Variants in CRHR2 observed in about 807,000 individuals in gnomAD.
CRHR2 encodes the protein corticotropin-releasing hormone receptor 2.
In CRHR2, 53 loss-of-function variants were observed where a neutral mutation model predicts 57.9. The observed-to-expected ratio is 0.92, with a 90% CI of 0.73 to 1.15. The LOEUF is 1.15. Among genes scored for constraint, CRHR2 ranks in the 50% most tolerant of loss-of-function variants. The pLI is 0.00. For synonymous variants in CRHR2, 213 were observed against 220.9 expected, an observed-to-expected ratio of 0.96 and a Z score of 0.32; for missense variants, 532 against 542.6, an observed-to-expected ratio of 0.98 and a Z score of 0.19.
chr7:30,665,225 G>T lies in CRHR2; in HGVS notation c.426-38C>A. On this transcript the variant is annotated intron_variant, in intron 4 of 11. Coordinates refer to ENST00000471646, the MANE Select transcript of CRHR2 (RefSeq NM_001883.5). The surrounding 1 kb of genome is among the most constrained non-coding windows in gnomAD (Gnocchi z 4.5). The stretch of plus-strand genomic sequence containing the variant: ...CAGGTCAGGGGTCAGCCAGGTTCAG[G>T]GGTCAACTGGGACTGGGTTCCCCCT... 1 of 1,559,160 alleles carries T rather than the reference G, an allele frequency of 6.4e-7. No individual in the cohort carries two copies. Among genetic ancestry groups the T allele is most frequent in the Non-Finnish European group, 8.8e-7 (1 of 1,130,278 alleles).
At chr7:30,654,644 C>T (rs3779250) in intron 11 of CRHR2, 911,983 of 1,516,390 alleles carry the variant, frequency 0.6, 286,827 homozygotes, top group Non-Finnish European at 0.65. Context: ...TTTTCTGTGG[C>T]AGGTAGCGGG....
At chr7:30,654,159 C>T (rs4722999) in intron 11 of CRHR2, among the ~76,000 whole-genome samples, 100,744 of 152,142 alleles carry the variant, frequency 0.66, 33,681 homozygotes, top group Middle Eastern at 0.7. Flanking sequence ...TGGCTCTACC[C>T]GGTGCCATTT....
upstream of CRHR2, among the ~76,000 whole-genome samples, chr7:30,686,234 C>T (rs1367255272): frequency 6.6e-6 from 1 of 152,194 alleles, no homozygotes; most frequent in African/African-American, 2.4e-5. Flanking sequence ...GGGTGCTGGC[C>T]TATGTCACAT....
At chr7:30,660,227 A>C (rs1054032056) in intron 8 of CRHR2, among the ~76,000 whole-genome samples, 1 of 152,206 alleles carries the variant, frequency 6.6e-6, no homozygotes, top group Non-Finnish European at 1.5e-5. Flanking sequence ...AGAAGCCCGC[A>C]CACTCTTCTC....
In CRHR2 at chr7:30,665,878, A is replaced by G. The variant is rs771894378; in HGVS notation, c.316-239T>C. Among the ~76,000 whole-genome samples, 1 of 152,068 alleles carries G rather than the reference A, an allele frequency of 6.6e-6. No individual in the cohort carries two copies. The stretch of plus-strand genomic sequence containing the variant: ...ATTTTTATTTTTTTAGAGATGGGGT[A>G]TCACTCTGTTGCCCAAGCTGGGGTC... On this transcript the variant is annotated intron_variant, in intron 3 of 11. Transcript: ENST00000471646. This position sits in a 1 kb window ranked among gnomAD's most constrained non-coding sequence, Gnocchi z 4.5.
Position 30,681,837 on chromosome 7 carries a change from C to T in CRHR2, c.229+78G>A, listed in dbSNP as rs1037534261. 3 of 1,510,216 alleles carry T rather than the reference C, an allele frequency of 2.0e-6. No individual in the cohort carries two copies. The African/African-American group carries it at 4.3e-5, about 22-fold the overall frequency. 93.6% of individuals were successfully genotyped at this position (1,510,216 alleles called of 1,614,324 possible). A position where few individuals can be genotyped will look rare whatever the true frequency, so the allele number is the denominator to read the frequency against. On this transcript the variant is annotated intron_variant, in intron 2 of 11. Coordinates refer to ENST00000471646, the MANE Select transcript of CRHR2 (RefSeq NM_001883.5). ...CGTCAGCAGCTTTGTACCGCTGGGT[C>T]CGGAATCCTCTTTACTCCCTAAACC...
rs1475306146 is a variant in CRHR2, at chr7:30,662,974, AG to A, written c.544-128del. Reference sequence around the variant, plus strand: ...GTTCGTGGACATGCCATCAAATACCAGCGAACCTCACTCTGAAAAGCTTCAT... The same window carrying A: ...GTTCGTGGACATGCCATCAAATACCACGAACCTCACTCTGAAAAGCTTCAT... On this transcript the variant is annotated intron_variant, in intron 5 of 11. Coordinates refer to ENST00000471646, the MANE Select transcript of CRHR2 (RefSeq NM_001883.5). 9 of 1,093,036 alleles carry A rather than the reference AG, an allele frequency of 8.2e-6. No individual in the cohort carries two copies. The African/African-American group carries it at 1.4e-4, about 17-fold the overall frequency. 67.7% of individuals were successfully genotyped at this position (1,093,036 alleles called of 1,614,324 possible). A position where few individuals can be genotyped will look rare whatever the true frequency, so the allele number is the denominator to read the frequency against.
chr7:30,662,355 C>T, intron 6 of CRHR2, 139 bp from the exon 7 acceptor site: 1 of 970,966 alleles, frequency 1.0e-6, no homozygotes, highest in Non-Finnish European at 1.6e-6. Flanking sequence ...CCCAGGGGTG[C>T]CCTGTCCCTC....
chr7:30,682,266 C>T lies in CRHR2; in HGVS notation c.15G>A (p.Leu5=), dbSNP rs771351560. 2 of 1,581,178 alleles carry T rather than the reference C, an allele frequency of 1.3e-6. No homozygotes were observed. The highest frequency in any genetic ancestry group is 1.2e-5 in the South Asian group (1 of 86,778). ...AGTTGGCCTCCAGCAGGCTGTGGAGCAGTGCCGCGTCCATCGCGTCCCGCA... is the reference window on the plus strand; with the variant it reads ...AGTTGGCCTCCAGCAGGCTGTGGAGTAGTGCCGCGTCCATCGCGTCCCGCA... MDAA[L]LHSLLEANCS... is the part of the protein sequence containing the mutation. The change falls in exon 1 of 12, where the codon CTG becomes CTA. Residue 5 remains leucine (L), a synonymous_variant. Coordinates refer to ENST00000471646, the MANE Select transcript of CRHR2 (RefSeq NM_001883.5).
chr7:30,657,686 C>A (rs1037125574), intron 8 of CRHR2, among the ~76,000 whole-genome samples: 3 of 152,006 alleles, frequency 2.0e-5, no homozygotes, highest in Non-Finnish European at 4.4e-5. Flanking sequence ...TTCAATTATC[C>A]ACCCACTTTA....
chr7:30,681,919 C>A lies in CRHR2; in HGVS notation c.225G>T (p.Thr75=). The A allele has an allele frequency of 1.2e-6, 2 of 1,609,908 alleles. No individual in the cohort carries two copies. The highest frequency in any genetic ancestry group is 2.2e-5 in the South Asian group (2 of 90,410). Reference sequence around the variant, plus strand: ...GCGAGGGCCGGGGGCACTCACGGGTCGTGTTGTACTTGACGCCGTTGAAGT... The same window carrying A: ...GCGAGGGCCGGGGGCACTCACGGGTAGTGTTGTACTTGACGCCGTTGAAGT... ...PEYFNGVKYN[T]TRNAYRECLE... The change falls in exon 2 of 12, where the codon ACG becomes ACT. Residue 75 remains threonine, a synonymous_variant. Transcript: ENST00000471646.
intron 8 of CRHR2, among the ~76,000 whole-genome samples, chr7:30,660,301 C>T (rs1415007650): frequency 6.6e-6 from 1 of 152,220 alleles, no homozygotes; most frequent in Non-Finnish European, 1.5e-5. Flanking sequence ...CGGGAGGGCA[C>T]AGGAAGTCTA....
intron 2 of CRHR2, among the ~76,000 whole-genome samples, chr7:30,671,802 GTGATGATGATGATGATGATGA>G (rs10577644): frequency 7.0e-6 from 1 of 143,866 alleles, no homozygotes; most frequent in Non-Finnish European, 1.5e-5. Context: ...GTGAGACCCT[GTGATGATGATGATGATGATGA>G]TGATGATGAT....
chr7:30,666,831 T>C (rs1463439551), intron 3 of CRHR2, among the ~76,000 whole-genome samples: 2 of 150,808 alleles, frequency 1.3e-5, no homozygotes, highest in East Asian at 3.9e-4. Context: ...GGGACAGCCC[T>C]TGGGGGGCTG....
At chr7:30,689,627 A>G (rs533947686) in intron 1 of CRHR2, among the ~76,000 whole-genome samples, 98 of 151,840 alleles carry the variant, frequency 6.5e-4, no homozygotes, top group South Asian at 3.1e-3. Context: ...GGTGGGTTCC[A>G]TTAGTTGTTC....
chr7:30,670,806 C>A (rs376508258), intron 2 of CRHR2, among the ~76,000 whole-genome samples: 7 of 152,352 alleles, frequency 4.6e-5, no homozygotes, highest in African/African-American at 1.7e-4. Context: ...ATTACCATAG[C>A]AACACAGGTG....
intron 1 of CRHR2, among the ~76,000 whole-genome samples, chr7:30,693,153 T>C (rs1309465448): frequency 1.3e-5 from 2 of 152,108 alleles, no homozygotes; most frequent in Non-Finnish European, 2.9e-5. Context: ...ATTATAAATA[T>C]TAGGTCTTAG....
rs150910286 is a variant in CRHR2, at chr7:30,656,271, G to A, written c.832-259C>T. ...GGAAAGGTGGCAGCCTCTGTGGGTCGTGACCGAGAGCACGGGGCATGCCCT... is the reference window on the plus strand; with the variant it reads ...GGAAAGGTGGCAGCCTCTGTGGGTCATGACCGAGAGCACGGGGCATGCCCT... On this transcript the variant is annotated intron_variant, in intron 8 of 11. Coordinates refer to ENST00000471646, the MANE Select transcript of CRHR2 (RefSeq NM_001883.5). This position sits in a 1 kb window ranked among gnomAD's most constrained non-coding sequence, Gnocchi z 4.4. Among the ~76,000 whole-genome samples the A allele has an allele frequency of 0.015, 2,288 of 152,202 alleles. 49 individuals are homozygous for A. Among genetic ancestry groups the A allele is most frequent in the African/African-American group, 0.052 (2,171 of 41,516 alleles).
chr7:30,676,924 A>G (rs1784536117), intron 2 of CRHR2, among the ~76,000 whole-genome samples: 2 of 152,248 alleles, frequency 1.3e-5, no homozygotes, highest in Non-Finnish European at 2.9e-5. Context: ...CAGATGCCTC[A>G]GTACAGATGA....
Sources: allele counts gnomAD v4.1 joint callset (sites outside exome capture counted in the v4.1 genomes callset), GRCh38; gene constraint gnomAD v4.1.1; non-coding constraint Gnocchi (gnomAD v3.1); transcripts MANE v1.5; gene names NCBI Gene and HGNC (gene_info 2026-07-23, HGNC 2026-07-21).